Variants in APBB3 observed in about 807,000 individuals in gnomAD.
APBB3 encodes the protein amyloid beta precursor protein binding family B member 3.
APBB3 carries 50 observed loss-of-function variants against 61.5 expected under a neutral mutation model. The observed-to-expected ratio is 0.81, with a 90% CI of 0.65 to 1.03. APBB3 has a LOEUF of 1.03. Among genes scored for constraint, APBB3 ranks in the 50% least tolerant of loss-of-function variants. The probability of loss-of-function intolerance (pLI) is 0.00; values close to 1 mark genes in which losing one functional copy is unlikely to be tolerated. For missense variants in APBB3, 550 were observed against 637.4 expected, an observed-to-expected ratio of 0.86 and a Z score of 1.48; for synonymous variants, 235 against 233.0, an observed-to-expected ratio of 1.01 and a Z score of -0.08.
rs1755115663 is a variant in APBB3 at position 140,564,331 on chromosome 5, CCT to C, written c.-88_-87del. On this transcript the variant is annotated 5_prime_UTR_variant, in exon 1 of 13. Coordinates refer to ENST00000357560, the MANE Select transcript of APBB3 (RefSeq NM_133173.3). This position sits in a 1 kb window ranked among gnomAD's most constrained non-coding sequence, Gnocchi z 5.0. ...GGAGCTACTGCGCCTGCAAGCCCAG[CCT>C]CTCTGCGCCGCAGGCTGCGGGGCCA... 4 of 1,523,754 alleles carry C rather than the reference CCT, an allele frequency of 2.6e-6. No individual in the cohort carries two copies. In the Admixed American group the frequency reaches 5.3e-5, roughly 20 times the overall value. The allele number at this position is 1,523,754 out of a possible 1,614,324, so 94.4% of individuals were successfully genotyped here.
intron 3 of APBB3, chr5:140,562,964 C>T (rs1561874365): frequency 5.7e-6 from 3 of 529,284 alleles, no homozygotes; most frequent in East Asian, 3.3e-5. Context: ...AGTCACAAGG[C>T]TAGGTGCAGT....
At chr5:140,559,037 G>A (rs774407238) in intron 12 of APBB3, among the ~76,000 whole-genome samples, 2 of 152,144 alleles carry the variant, frequency 1.3e-5, no homozygotes, top group Admixed American at 6.5e-5. Flanking sequence ...ACTGCTAAGT[G>A]CTTTGTATAA....
rs1561876878 is a variant in APBB3 at position 140,564,484 on chromosome 5, T to C, written c.-239A>G. On this transcript the variant is annotated 5_prime_UTR_variant, in exon 1 of 13. Coordinates refer to ENST00000357560, the MANE Select transcript of APBB3 (RefSeq NM_133173.3). This position sits in a 1 kb window ranked among gnomAD's most constrained non-coding sequence, Gnocchi z 5.0. ...AACGGGCGTCTGGATCCCCGAATGG[T>C]TGCGTGTTTCCGTGTGTGGGTCCGG... The C allele has an allele frequency of 3.4e-6, 2 of 580,380 alleles. No individual in the cohort carries two copies. The highest frequency in any genetic ancestry group is 3.0e-6 in the Non-Finnish European group (1 of 329,302). The allele number at this position is 580,380 out of a possible 1,614,324, so 36.0% of individuals were successfully genotyped here.
In APBB3 at chr5:140,561,609, G is replaced by T. The variant is rs139794410; in HGVS notation, c.725C>A (p.Ala242Asp). ...CDVPAKAIAS[A>D]LHGLCAQILS... ...TACCTGGGCACAAAGCCCATGTAGG[G>T]CACTGGCAATGGCCTTGGCAGGGAC... The change falls in exon 8 of 13, where the codon GCC (alanine) becomes GAC (aspartate). Residue 242 changes from alanine (A) to aspartate (D), a missense_variant. By Grantham distance (126) the Ala-to-Asp change is moderately radical. Transcript: ENST00000357560. 3.1e-6 allele frequency: 5 copies of T among 1,614,094 alleles called. No individual in the cohort carries two copies. The African/African-American group carries it at 6.7e-5, about 22-fold the overall frequency.
At position 140,564,597 on chromosome 5, in the gene APBB3, G is replaced by A. The variant is rs1215667618; in HGVS notation, c.-352C>T. 1.5e-5 allele frequency: 7 copies of A among 471,476 alleles called. No homozygotes were observed. The highest frequency in any genetic ancestry group is 2.2e-5 in the Non-Finnish European group (6 of 267,962). The allele number at this position is 471,476 out of a possible 1,614,324, so 29.2% of individuals were successfully genotyped here. ...GCCTGAAGACCGACACGCCGAACATGCGCCGCGCGCACTCGCGCACGAGTG... is the reference window on the plus strand; with the variant it reads ...GCCTGAAGACCGACACGCCGAACATACGCCGCGCGCACTCGCGCACGAGTG... On this transcript the variant is annotated 5_prime_UTR_variant, in exon 1 of 13. Coordinates refer to ENST00000357560, the MANE Select transcript of APBB3 (RefSeq NM_133173.3). The surrounding 1 kb of genome is among the most constrained non-coding windows in gnomAD (Gnocchi z 5.0).
chr5:140,561,050 T>C lies in APBB3; in HGVS notation c.884A>G (p.Tyr295Cys). The change falls in exon 10 of 13, where the codon TAT becomes TGT. Residue 295 changes from tyrosine (Y) to cysteine (C), a missense_variant. Transcript: ENST00000357560. ...CTTGGTGACTGGCAGTGTCCCCATA[T>C]ACAGTGCCTCGTACTTCTGAGCAGC... is the stretch of plus-strand genomic sequence containing the variant. Reference protein sequence around the residue: ...SQAAQKYEALYMGTLPVTKAM... With the variant: ...SQAAQKYEALCMGTLPVTKAM... 1 of 1,613,862 alleles carries C rather than the reference T, an allele frequency of 6.2e-7. No individual in the cohort carries two copies.
intron 6 of APBB3, 82 bp from the exon 7 acceptor site, chr5:140,561,931 G>T (rs745937719): frequency 6.2e-7 from 1 of 1,611,964 alleles, no homozygotes; most frequent in Non-Finnish European, 8.5e-7. Context: ...GCTGAGCTGG[G>T]CCCACCCTCC....
Position 140,558,669 on chromosome 5 carries a change from A to G in APBB3, c.1377T>C (p.Gly459=). 1 of 1,613,580 alleles carries G rather than the reference A, an allele frequency of 6.2e-7. No individual in the cohort carries two copies. The highest frequency in any genetic ancestry group is 8.5e-7 in the Non-Finnish European group (1 of 1,179,850). The change falls in exon 13 of 13, where the codon GGT becomes GGC. Residue 459 remains glycine (G), a synonymous_variant. Coordinates refer to ENST00000357560, the MANE Select transcript of APBB3 (RefSeq NM_133173.3). ...PLPLLKGGVG[G]AGATPRKRGV... ...CCCGCTTTCGAGGGGTTGCCCCTGC[A>G]CCGCCAACCCCTCCTTTGAGCAGGG... is the stretch of plus-strand genomic sequence containing the variant.
In APBB3 at chr5:140,563,597, C is replaced by T. The variant is rs1755068535; in HGVS notation, c.287G>A (p.Arg96Gln). ...TTTTGCCTGGGCCACCCGTTACCTCCGGTCCAGTGAACTCTCCAGGCTGGA... is the reference window on the plus strand; with the variant it reads ...TTTTGCCTGGGCCACCCGTTACCTCTGGTCCAGTGAACTCTCCAGGCTGGA... ...SFSSLESSLD[R>Q]SNSLSWYGGE... The change falls in exon 3 of 13, where the codon CGG (arginine) becomes CAG (glutamine). Residue 96 changes from arginine (R) to glutamine (Q), a missense_variant. Physicochemically the swap from Arg to Gln is conservative, Grantham distance 43. This residue lies in a region of APBB3 where 405 missense variants were observed against 483.4 expected (regional missense o/e 0.84). Coordinates refer to ENST00000357560, the MANE Select transcript of APBB3 (RefSeq NM_133173.3). 4.3e-6 allele frequency: 7 copies of T among 1,614,214 alleles called. No individual in the cohort carries two copies. The highest frequency in any genetic ancestry group is 5.1e-6 in the Non-Finnish European group (6 of 1,180,046).
intron 12 of APBB3, among the ~76,000 whole-genome samples, chr5:140,559,112 A>G (rs1261047844): frequency 2.6e-5 from 4 of 152,350 alleles, no homozygotes; most frequent in African/African-American, 9.6e-5. Context: ...TTCAGAGAGT[A>G]TATGACTTGC....
chr5:140,560,283 C>T lies in APBB3; in HGVS notation c.1224+30G>A. The stretch of plus-strand genomic sequence containing the variant: ...CAGTGGAGAGCAGCTGCAGGGCAAT[C>T]CCACCAACCCATTCCCACCCATGAC... On this transcript the variant is annotated intron_variant, in intron 12 of 12. Coordinates refer to ENST00000357560, the MANE Select transcript of APBB3 (RefSeq NM_133173.3). This position sits in a 1 kb window ranked among gnomAD's most constrained non-coding sequence, Gnocchi z 5.1. The T allele has an allele frequency of 3.1e-6, 5 of 1,596,104 alleles. No homozygotes were observed. In the African/African-American group the frequency reaches 5.5e-5, roughly 18 times the overall value.
intron 3 of APBB3, 190 bp from the exon 4 acceptor site, chr5:140,562,913 A>G: frequency 1.7e-6 from 1 of 604,824 alleles, no homozygotes; most frequent in South Asian, 2.0e-5. Flanking sequence ...ATTTGAGGGA[A>G]AATTCAGGAC....
Position 140,558,483 on chromosome 5 carries a change from GAGA to G in APBB3, c.*99_*101del. On this transcript the variant is annotated 3_prime_UTR_variant, in exon 13 of 13. Coordinates refer to ENST00000357560, the MANE Select transcript of APBB3 (RefSeq NM_133173.3). ...TGGACAAGGATCGGAGGGACAGGCA[GAGA>G]AGGCTTCAAGGAGTGACAGGCTATA... 8.8e-7 allele frequency: 1 copy of G among 1,130,618 alleles called. No homozygotes were observed. The highest frequency in any genetic ancestry group is 1.3e-6 in the Non-Finnish European group (1 of 742,996). The allele number at this position is 1,130,618 out of a possible 1,614,324, so 70.0% of individuals were successfully genotyped here. A position where few individuals can be genotyped will look rare whatever the true frequency, so the allele number is the denominator to read the frequency against.
At position 140,562,695 on chromosome 5, in the gene APBB3, A is replaced by T; in HGVS notation, c.319T>A (p.Ser107Thr). 6.2e-7 allele frequency: 1 copy of T among 1,614,224 alleles called. No individual in the cohort carries two copies. The highest frequency in any genetic ancestry group is 8.5e-7 in the Non-Finnish European group (1 of 1,180,048). ...SNSLSWYGGE[S>T]YIQSMEPGAK... ...CCTGGCTCCATGCTCTGGATGTAGG[A>T]TTCCCCACCATACCAGGACAGAGAG... is the stretch of plus-strand genomic sequence containing the variant. Residue 107 changes from serine to threonine, a missense_variant, in exon 4 of 13, where the codon TCC becomes ACC. Around this residue, in one of 3 missense-constraint regions of APBB3, gnomAD observed 405 missense variants for 483.4 expected, o/e 0.84. Transcript: ENST00000357560.
Position 140,563,876 on chromosome 5 carries a change from C to T in APBB3, c.89G>A (p.Gly30Asp). The change falls in exon 2 of 13, where the codon GGC (glycine) becomes GAC (aspartate). Residue 30 changes from glycine to aspartate, a missense_variant. This residue lies in a region of APBB3 where 405 missense variants were observed against 483.4 expected (regional missense o/e 0.84). Transcript: ENST00000357560. ...WGDHSLEVEA[G>D]LPPGWRKIHD... ...GATCTTCCTCCAGCCAGGAGGCAGG[C>T]CAGCCTCCACCTCCAGACTGTGGTC... 1 of 1,614,058 alleles carries T rather than the reference C, an allele frequency of 6.2e-7. No individual in the cohort carries two copies. The highest frequency in any genetic ancestry group is 8.5e-7 in the Non-Finnish European group (1 of 1,179,998).
intron 12 of APBB3, among the ~76,000 whole-genome samples, chr5:140,559,276 G>A (rs941361328): frequency 6.6e-6 from 1 of 152,134 alleles, no homozygotes; most frequent in African/African-American, 2.4e-5. Flanking sequence ...AGATTCCCTA[G>A]TCAAGGGTAA....
chr5:140,560,378 A>G lies in APBB3; in HGVS notation c.1159T>C (p.Cys387Arg), dbSNP rs1229198256. The change falls in exon 12 of 13, where the codon TGC (cysteine) becomes CGC (arginine). Residue 387 changes from cysteine (C) to arginine (R), a missense_variant. Around this residue, in one of 3 missense-constraint regions of APBB3, gnomAD observed 138 missense variants for 132.6 expected, o/e 1.04. Transcript: ENST00000357560. This position sits in a 1 kb window ranked among gnomAD's most constrained non-coding sequence, Gnocchi z 5.1. ...TGGGGCTGGCACCAGAAGGCTGCGC[A>G]CTGGAAGCTCTGACGGCCCAGGTCA... ...IADLGRQSFQ[C>R]AAFWCQPHAG... is the part of the protein sequence containing the mutation. 2 of 1,613,878 alleles carry G rather than the reference A, an allele frequency of 1.2e-6. No individual in the cohort carries two copies. The highest frequency in any genetic ancestry group is 1.7e-6 in the Non-Finnish European group (2 of 1,180,012).
intron 9 of APBB3, 24 bp from the exon 10 acceptor site, chr5:140,561,125 C>T: frequency 6.2e-7 from 1 of 1,613,488 alleles, no homozygotes; most frequent in Non-Finnish European, 8.5e-7. Flanking sequence ...ACCAAGTTGG[C>T]CTGGAAGCTC....
rs1266466153 is a variant in APBB3, at chr5:140,562,663, C to T, written c.351G>A (p.Lys117=). 2 of 1,614,112 alleles carry T rather than the reference C, an allele frequency of 1.2e-6. No individual in the cohort carries two copies. The highest frequency in any genetic ancestry group is 8.5e-7 in the Non-Finnish European group (1 of 1,180,038). The stretch of plus-strand genomic sequence containing the variant: ...AATGCCCTCAGGCCCAAGTCACTAC[C>T]TTAGCCCCTGGCTCCATGCTCTGGA... ...SYIQSMEPGA[K]CFAVRSLGWV... Residue 117 remains lysine, a splice_region_variant and synonymous_variant, in exon 4 of 13, where the codon AAG becomes AAA. Transcript: ENST00000357560.
Sources: allele counts gnomAD v4.1 joint callset (sites outside exome capture counted in the v4.1 genomes callset), GRCh38; gene constraint gnomAD v4.1.1; regional missense constraint gnomAD v4.1.1; non-coding constraint Gnocchi (gnomAD v3.1); transcripts MANE v1.5; gene names NCBI Gene and HGNC (gene_info 2026-07-23, HGNC 2026-07-21).